The following YIPF7 variants were observed in gnomAD, a reference collection of about 807,000 sequenced individuals.
YIPF7 encodes Yip1 domain family member 7, also known as protein YIPF7.
In YIPF7, 35 loss-of-function variants were observed where a neutral mutation model predicts 27.2. The observed-to-expected ratio is 1.29, with a 90% CI of 0.98 to 1.70. YIPF7 has a LOEUF of 1.70. Ranked by LOEUF, YIPF7 falls within the 40% of genes most tolerant of loss-of-function variation. The pLI, the probability that YIPF7 is intolerant of heterozygous loss-of-function variation, is 0.00. For missense variants in YIPF7, 358 were observed against 303.7 expected, an observed-to-expected ratio of 1.18 and a Z score of -1.33; for synonymous variants, 137 against 110.4, an observed-to-expected ratio of 1.24 and a Z score of -1.51.
rs1331726179 is a variant in YIPF7, at chr4:44,622,440, G to T, written c.745C>A (p.Leu249Ile). The change falls in exon 6 of 6, where the codon CTT (leucine) becomes ATT (isoleucine). Residue 249 changes from leucine to isoleucine, a missense_variant. By Grantham distance (5) the Leu-to-Ile change is conservative. Coordinates refer to ENST00000415895, the MANE Select transcript of YIPF7 (RefSeq NM_182592.3). Reference protein sequence around the residue: ...VAYPCAILYGLFALLTIF With the variant: ...VAYPCAILYGIFALLTIF The stretch of plus-strand genomic sequence containing the variant: ...TAGAAAATTGTTAGGAGGGCAAAAA[G>T]TCCATAAAGTATGGCACAAGGGTAG... 7 of 1,613,454 alleles carry T rather than the reference G, an allele frequency of 4.3e-6. No homozygotes were observed. In the South Asian group the frequency reaches 6.6e-5, roughly 15 times the overall value.
At chr4:44,641,045 G>C (rs1435399386) in intron 2 of YIPF7, among the ~76,000 whole-genome samples, 1 of 152,044 alleles carries the variant, frequency 6.6e-6, no homozygotes, top group Non-Finnish European at 1.5e-5. Flanking sequence ...TAGGGTTTGA[G>C]AGAGTCAAGG....
At chr4:44,660,290 C>T (rs2881892) in intron 2 of YIPF7, among the ~76,000 whole-genome samples, 82,530 of 151,510 alleles carry the variant, frequency 0.54, 23,452 homozygotes, top group Non-Finnish European at 0.64. Context: ...TAATTTCCTT[C>T]ACCTTGAATA....
intron 3 of YIPF7, among the ~76,000 whole-genome samples, chr4:44,630,652 A>G (rs1307196249): frequency 1.3e-5 from 2 of 152,182 alleles, no homozygotes; most frequent in Non-Finnish European, 2.9e-5. Context: ...TCCATTTAGA[A>G]ACTTCTGATT....
intron 3 of YIPF7, among the ~76,000 whole-genome samples, chr4:44,632,397 G>A (rs114774680): frequency 0.014 from 2,084 of 152,180 alleles, 24 homozygotes; most frequent in Middle Eastern, 0.031. Context: ...TGGAAGTCTC[G>A]AGCTACGCTA....
At chr4:44,646,717 C>T (rs1442122619) in intron 2 of YIPF7, among the ~76,000 whole-genome samples, 1 of 152,114 alleles carries the variant, frequency 6.6e-6, no homozygotes, top group African/African-American at 2.4e-5. Flanking sequence ...TTAGTGAGCA[C>T]AGTCACCCAG....
chr4:44,645,410 T>C (rs1713493376), intron 2 of YIPF7, among the ~76,000 whole-genome samples: 1 of 152,184 alleles, frequency 6.6e-6, no homozygotes, highest in Non-Finnish European at 1.5e-5. Context: ...TCTGGACACT[T>C]CACTATTTGC....
chr4:44,625,510 T>C (rs140618095), intron 4 of YIPF7, among the ~76,000 whole-genome samples: 1 of 152,340 alleles, frequency 6.6e-6, no homozygotes, highest in East Asian at 1.9e-4. Context: ...AGAATCCTTT[T>C]ATGTTTCATG....
chr4:44,643,056 G>A (rs1049848581), intron 2 of YIPF7, among the ~76,000 whole-genome samples: 1 of 152,142 alleles, frequency 6.6e-6, no homozygotes, highest in Non-Finnish European at 1.5e-5. Context: ...AGAGTGTGGA[G>A]GGCTCAGAAG....
In YIPF7 at chr4:44,622,423, T is replaced by A; in HGVS notation, c.762A>T (p.Thr254=). Residue 254 remains threonine (T), a synonymous_variant, in exon 6 of 6, where the codon ACA becomes ACT. Coordinates refer to ENST00000415895, the MANE Select transcript of YIPF7 (RefSeq NM_182592.3). ...AILYGLFALL[T]IF is the part of the protein sequence containing the mutation. Reference sequence around the variant, plus strand: ...CCATCTCAAACATTCTTTAGAAAATTGTTAGGAGGGCAAAAAGTCCATAAA... The same window carrying A: ...CCATCTCAAACATTCTTTAGAAAATAGTTAGGAGGGCAAAAAGTCCATAAA... The A allele has an allele frequency of 6.2e-7, 1 of 1,611,946 alleles. No homozygotes were observed. Among genetic ancestry groups the A allele is most frequent in the Non-Finnish European group, 8.5e-7 (1 of 1,179,102 alleles).
chr4:44,634,473 A>C (rs1713035273), intron 3 of YIPF7, among the ~76,000 whole-genome samples: 1 of 152,156 alleles, frequency 6.6e-6, no homozygotes, highest in Admixed American at 6.5e-5. Context: ...CAGAGGTTGC[A>C]GAGAGCTGAG....
intron 4 of YIPF7, among the ~76,000 whole-genome samples, chr4:44,625,803 A>G (rs1209795693): frequency 1.3e-5 from 2 of 152,328 alleles, no homozygotes; most frequent in Non-Finnish European, 2.9e-5. Flanking sequence ...AATGTTTGCT[A>G]TCTGAGAATA....
In YIPF7 at chr4:44,624,750, G is replaced by A; in HGVS notation, c.459C>T (p.Gly153=). Residue 153 remains glycine (G), a synonymous_variant, in exon 5 of 6, where the codon GGC becomes GGT. Coordinates refer to ENST00000415895, the MANE Select transcript of YIPF7 (RefSeq NM_182592.3). ...TCACAAGGCAGCCAATGGCACTCAT[G>A]CCATACACATAACCAAACTGAACTT... is the stretch of plus-strand genomic sequence containing the variant. The part of the protein sequence containing the change: ...AGKVQFGYVY[G]MSAIGCLVIH... 2 of 1,611,704 alleles carry A rather than the reference G, an allele frequency of 1.2e-6. No homozygotes were observed. Among genetic ancestry groups the A allele is most frequent in the Non-Finnish European group, 1.7e-6 (2 of 1,178,982 alleles).
chr4:44,659,860 T>A (rs1009398244), intron 2 of YIPF7, among the ~76,000 whole-genome samples: 1 of 151,932 alleles, frequency 6.6e-6, no homozygotes, highest in African/African-American at 2.4e-5. Context: ...ACGCCTATAA[T>A]CCCAGCACTT....
Position 44,631,909 on chromosome 4 carries a change from A to G in YIPF7, c.281-2361T>C, listed in dbSNP as rs1003422587. Among the ~76,000 whole-genome samples, 12 of 152,298 alleles carry G rather than the reference A, an allele frequency of 7.9e-5. No individual in the cohort carries two copies. The South Asian group carries it at 2.3e-3, about 29-fold the overall frequency. The stretch of plus-strand genomic sequence containing the variant: ...TAAAAATATGTTTTCAGTATTTACC[A>G]CAATAAAATGGTATTTAATTCCAAA... On this transcript the variant is annotated intron_variant, in intron 3 of 5. Transcript: ENST00000415895.
At chr4:44,650,438 C>T (rs1481385757) in intron 1 of YIPF7, among the ~76,000 whole-genome samples, 2 of 151,626 alleles carry the variant, frequency 1.3e-5, no homozygotes, top group Non-Finnish European at 2.9e-5. Flanking sequence ...ACTTAGGACA[C>T]ATCTAGAAGG....
At chr4:44,634,963 C>A (rs1247983145) in intron 3 of YIPF7, among the ~76,000 whole-genome samples, 4 of 152,008 alleles carry the variant, frequency 2.6e-5, no homozygotes, top group Admixed American at 2.6e-4. Context: ...GCCAATAGAT[C>A]GATTATATAA....
At chr4:44,625,075 C>A (rs1712588746) in intron 4 of YIPF7, among the ~76,000 whole-genome samples, 1 of 152,076 alleles carries the variant, frequency 6.6e-6, no homozygotes, top group Admixed American at 6.6e-5. Flanking sequence ...GAGTACAAGG[C>A]ATAAGTAAGA....
intron 2 of YIPF7, among the ~76,000 whole-genome samples, chr4:44,656,832 T>A (rs1560331977): frequency 1.3e-5 from 2 of 152,134 alleles, no homozygotes; most frequent in Non-Finnish European, 2.9e-5. Context: ...CATGTCTTAT[T>A]TTACAATAAA....
At chr4:44,644,334 G>A (rs866475165) in intron 2 of YIPF7, among the ~76,000 whole-genome samples, 32 of 152,280 alleles carry the variant, frequency 2.1e-4, no homozygotes, top group Admixed American at 1.2e-3. Context: ...TAATGATAGC[G>A]GATGAGCTGA....
Sources: gnomAD v4.1 joint callset for allele counts (sites outside exome capture counted in the v4.1 genomes callset) on GRCh38, gnomAD v4.1.1 for gene constraint, MANE v1.5 for transcripts, NCBI Gene and HGNC (gene_info 2026-07-23, HGNC 2026-07-21) for gene names.